The following DDX10 variants were observed in gnomAD, a reference collection of about 807,000 sequenced individuals.
DDX10 encodes the protein DEAD-box helicase 10.
DDX10 carries 74 observed loss-of-function variants against 104.3 expected under a neutral mutation model. That is an observed-to-expected ratio of 0.71 (90% CI 0.59 to 0.86). The LOEUF is 0.86. DDX10 is among the 40% of genes least tolerant of loss of function. The pLI is 0.00. For missense variants in DDX10, 952 were observed against 1,040.0 expected, an observed-to-expected ratio of 0.92 and a Z score of 1.16; for synonymous variants, 351 against 353.4, an observed-to-expected ratio of 0.99 and a Z score of 0.08.
At chr11:108,728,925 C>A (rs1027279093) in intron 13 of DDX10, among the ~76,000 whole-genome samples, 1 of 152,092 alleles carries the variant, frequency 6.6e-6, no homozygotes, top group Non-Finnish European at 1.5e-5. Flanking sequence ...ATGCCATTAA[C>A]CTTTATTTAA....
chr11:108,886,541 A>G (rs1328745915), intron 16 of DDX10, among the ~76,000 whole-genome samples: 1 of 152,164 alleles, frequency 6.6e-6, no homozygotes, highest in Non-Finnish European at 1.5e-5. Flanking sequence ...GTTCTTCTAA[A>G]AGGCCTTTTG....
chr11:108,684,357 G>A (rs1171470383), intron 6 of DDX10, among the ~76,000 whole-genome samples: 17 of 63,556 alleles, frequency 2.7e-4, no homozygotes, highest in Non-Finnish European at 2.3e-4. Context: ...CCCCTCCCCC[G>A]ACCCCACCAC....
chr11:108,890,172 G>A (rs571186331), intron 16 of DDX10, among the ~76,000 whole-genome samples: 1 of 152,256 alleles, frequency 6.6e-6, no homozygotes, highest in South Asian at 2.1e-4. Context: ...AAGGATAAAT[G>A]CAGGTTCATA....
chr11:108,753,036 T>C (rs2094340547), intron 13 of DDX10, among the ~76,000 whole-genome samples: 1 of 152,078 alleles, frequency 6.6e-6, no homozygotes, highest in Non-Finnish European at 1.5e-5. Context: ...GTACCACTCT[T>C]TGTCATAAAT....
chr11:108,901,466 CTG>C (rs1863516177), intron 16 of DDX10, among the ~76,000 whole-genome samples: 1 of 152,174 alleles, frequency 6.6e-6, no homozygotes, highest in South Asian at 2.1e-4. Context: ...AAGTCTAAAA[CTG>C]TGAGCAGTAT....
chr11:108,678,292 T>C, intron 4 of DDX10, 23 bp from the exon 5 acceptor site: 1 of 1,604,736 alleles, frequency 6.2e-7, no homozygotes, highest in Non-Finnish European at 8.5e-7. Flanking sequence ...GTCTGTGTAA[T>C]CAAAATAAAT....
intron 13 of DDX10, among the ~76,000 whole-genome samples, chr11:108,742,275 CA>C (rs986937174): frequency 8.9e-5 from 11 of 123,344 alleles, no homozygotes; most frequent in South Asian, 5.2e-4. Context: ...CAAAACAAAA[CA>C]AAAAAAAAAC....
chr11:108,718,816 T>G (rs1386903718), intron 11 of DDX10, among the ~76,000 whole-genome samples: 1 of 152,202 alleles, frequency 6.6e-6, no homozygotes, highest in African/African-American at 2.4e-5. Context: ...AGGTGATTGC[T>G]TGTGGATGAT....
intron 13 of DDX10, among the ~76,000 whole-genome samples, chr11:108,755,900 C>T (rs1295132967): frequency 2.0e-5 from 3 of 151,996 alleles, no homozygotes; most frequent in African/African-American, 7.2e-5. Context: ...AGATGCTCAA[C>T]AATTAAATAT....
At chr11:108,882,635 T>A (rs1565308009) in intron 16 of DDX10, among the ~76,000 whole-genome samples, 1 of 152,240 alleles carries the variant, frequency 6.6e-6, no homozygotes. Context: ...TAAGTTGTTA[T>A]ATGTAAATAG....
At chr11:108,857,832 G>A (rs1180980770) in intron 16 of DDX10, among the ~76,000 whole-genome samples, 1 of 152,228 alleles carries the variant, frequency 6.6e-6, no homozygotes, top group East Asian at 1.9e-4. Flanking sequence ...TTCAATTTGA[G>A]AGTCTTAAAA....
intron 16 of DDX10, among the ~76,000 whole-genome samples, chr11:108,886,240 GC>G (rs1191093035): frequency 6.6e-6 from 1 of 152,124 alleles, no homozygotes; most frequent in Non-Finnish European, 1.5e-5. Context: ...TTTGCCAGGC[GC>G]TGTGAAAGAT....
chr11:108,930,645 C>T (rs1021968075), intron 17 of DDX10, among the ~76,000 whole-genome samples: 3 of 152,180 alleles, frequency 2.0e-5, no homozygotes, highest in Admixed American at 6.5e-5. Context: ...GCTCCACAGC[C>T]CCACCAGCAT....
At chr11:108,770,553 C>G (rs2094361840) in intron 13 of DDX10, among the ~76,000 whole-genome samples, 1 of 136,188 alleles carries the variant, frequency 7.3e-6, no homozygotes, top group Middle Eastern at 3.8e-3. Flanking sequence ...TCCTTCTACT[C>G]TCTCTGTCCA....
intron 13 of DDX10, among the ~76,000 whole-genome samples, chr11:108,813,126 G>C (rs1444454983): frequency 6.6e-6 from 1 of 152,004 alleles, no homozygotes; most frequent in Non-Finnish European, 1.5e-5. Context: ...AAAAATTTAA[G>C]AGCACATATT....
chr11:108,874,500 C>T (rs917771614), intron 16 of DDX10, among the ~76,000 whole-genome samples: 1 of 151,904 alleles, frequency 6.6e-6, no homozygotes, highest in Non-Finnish European at 1.5e-5. Context: ...GAGAGTTATC[C>T]GTTAGCATGA....
chr11:108,737,791 A>G (rs1159933555), intron 13 of DDX10, among the ~76,000 whole-genome samples: 1 of 152,130 alleles, frequency 6.6e-6, no homozygotes, highest in Non-Finnish European at 1.5e-5. Context: ...AGTGACAACC[A>G]TGATAAGGCA....
At chr11:108,804,498 CAAA>C (rs3063225) in intron 13 of DDX10, among the ~76,000 whole-genome samples, 1 of 93,510 alleles carries the variant, frequency 1.1e-5, no homozygotes. Context: ...GACCCTGTCT[CAAA>C]AAAAAAAAAA....
chr11:108,692,488 A>G lies in DDX10; in HGVS notation c.1138+450A>G, dbSNP rs187570025. Among the ~76,000 whole-genome samples, 462 of 152,204 alleles carry G rather than the reference A, an allele frequency of 3.0e-3. 2 individuals carry two copies. Among genetic ancestry groups the G allele is most frequent in the Middle Eastern group, 0.01 (3 of 294 alleles). On this transcript the variant is annotated intron_variant, in intron 8 of 17. Coordinates refer to ENST00000322536, the MANE Select transcript of DDX10 (RefSeq NM_004398.4). ...CAAAACCTGCTTTGTTGATTATACA[A>G]CTCCTGGCTTTGTGGGAATGGGACG...
Sources: gnomAD v4.1 joint callset for allele counts (sites outside exome capture counted in the v4.1 genomes callset) on GRCh38, gnomAD v4.1.1 for gene constraint, MANE v1.5 for transcripts, NCBI Gene and HGNC (gene_info 2026-07-23, HGNC 2026-07-21) for gene names.